The following RBPJ variants were observed in gnomAD, a reference collection of about 807,000 sequenced individuals.
RBPJ encodes the protein recombination signal binding protein for immunoglobulin kappa J region, also known as recombining binding protein suppressor of hairless.
Under a neutral mutation model 67.8 loss-of-function variants are expected in RBPJ, and 9 were observed. The ratio of observed to expected loss-of-function variants is 0.13; its 90% CI spans 0.08 to 0.23. The LOEUF is 0.23. Ranked by LOEUF, RBPJ falls within the 10% of genes least tolerant of loss-of-function variation. RBPJ has a pLI of 1.00. For synonymous variants in RBPJ, 198 were observed against 203.3 expected, an observed-to-expected ratio of 0.97 and a Z score of 0.22; for missense variants, 305 against 595.6, an observed-to-expected ratio of 0.51 and a Z score of 5.08.
intron 1 of RBPJ, among the ~76,000 whole-genome samples, chr4:26,335,771 C>A (rs1441552463): frequency 6.6e-6 from 1 of 151,758 alleles, no homozygotes; most frequent in Non-Finnish European, 1.5e-5. Flanking sequence ...CAGGCATGCA[C>A]CACCTACGCC....
chr4:26,374,910 C>T (rs767651204), intron 1 of RBPJ, among the ~76,000 whole-genome samples: 7 of 152,058 alleles, frequency 4.6e-5, no homozygotes, highest in Non-Finnish European at 8.8e-5. Context: ...ATCTAGTTAA[C>T]ATTTTGAACT....
In RBPJ at chr4:26,329,863, C is replaced by T. The variant is rs192285747; in HGVS notation, c.20+8815C>T. Among the ~76,000 whole-genome samples the T allele has an allele frequency of 4.3e-3, 640 of 150,406 alleles. 18 individuals are homozygous for T. In the South Asian group the frequency reaches 0.05, roughly 12 times the overall value. On this transcript the variant is annotated intron_variant, in intron 1 of 10. Coordinates refer to ENST00000355476, the MANE Select transcript of RBPJ (RefSeq NM_015874.6). ...GAGCCGAGATCACGCCACTGCACTC[C>T]AGCCTGGGCGACAGAGTGAGACTCT...
At chr4:26,366,864 G>A (rs373600896) in intron 1 of RBPJ, among the ~76,000 whole-genome samples, 49 of 152,178 alleles carry the variant, frequency 3.2e-4, no homozygotes, top group African/African-American at 1.0e-3. Context: ...CGTGTTTCAC[G>A]CCTGTAATCC....
chr4:26,216,877 A>T (rs2109185028), intron 1 of RBPJ, among the ~76,000 whole-genome samples: 1 of 152,306 alleles, frequency 6.6e-6, no homozygotes. Flanking sequence ...GTGAGCCATG[A>T]CTGCACCACT....
intron 1 of RBPJ, among the ~76,000 whole-genome samples, chr4:26,243,027 G>C (rs1719701739): frequency 6.6e-6 from 1 of 152,070 alleles, no homozygotes; most frequent in Non-Finnish European, 1.5e-5. Flanking sequence ...GGGCGTTCGA[G>C]ACCAGCCTGA....
intron 3 of RBPJ, 84 bp from the exon 4 acceptor site, chr4:26,415,391 C>T (rs925972074): frequency 1.7e-6 from 2 of 1,178,286 alleles, no homozygotes; most frequent in Non-Finnish European, 1.2e-6. Flanking sequence ...ATTTTGTATT[C>T]ATAATGTTCA....
chr4:26,402,497 C>T (rs962284082), intron 2 of RBPJ, among the ~76,000 whole-genome samples: 6 of 152,180 alleles, frequency 3.9e-5, no homozygotes, highest in Admixed American at 6.5e-5. Flanking sequence ...TCTCATTTTA[C>T]GAATAAAATA....
chr4:26,268,439 C>G, intron 1 of RBPJ, among the ~76,000 whole-genome samples: 1 of 152,118 alleles, frequency 6.6e-6, no homozygotes, highest in East Asian at 1.9e-4. Flanking sequence ...TCTCTTTGGT[C>G]TCTTTTCAGG....
intron 1 of RBPJ, among the ~76,000 whole-genome samples, chr4:26,299,124 T>C (rs763264546): frequency 6.6e-6 from 1 of 151,758 alleles, no homozygotes; most frequent in Non-Finnish European, 1.5e-5. Flanking sequence ...AATAAAGGAG[T>C]TGGGGTCAGG....
intron 1 of RBPJ, among the ~76,000 whole-genome samples, chr4:26,349,133 TCA>T (rs1402450436): frequency 6.6e-6 from 1 of 152,012 alleles, no homozygotes; most frequent in Non-Finnish European, 1.5e-5. Context: ...AGTGGCGTTC[TCA>T]CAGCTCACTG....
At chr4:26,346,191 G>C (rs1275906466) in intron 1 of RBPJ, among the ~76,000 whole-genome samples, 1 of 152,168 alleles carries the variant, frequency 6.6e-6, no homozygotes, top group Non-Finnish European at 1.5e-5. Flanking sequence ...AGGAGTTCAG[G>C]AGTGGAGGTT....
chr4:26,417,892 T>C (rs1278636122), intron 4 of RBPJ, among the ~76,000 whole-genome samples: 2 of 152,252 alleles, frequency 1.3e-5, no homozygotes, highest in Non-Finnish European at 2.9e-5. Context: ...GCAACAAAAT[T>C]CTAGTATATC....
chr4:26,215,710 AC>A (rs1213192006), intron 1 of RBPJ, among the ~76,000 whole-genome samples: 1 of 151,916 alleles, frequency 6.6e-6, no homozygotes, highest in Non-Finnish European at 1.5e-5. Context: ...CACGCTAGGG[AC>A]CCTCCTCAAA....
chr4:26,311,902 G>T (rs1420447155), intron 1 of RBPJ, among the ~76,000 whole-genome samples: 1 of 151,982 alleles, frequency 6.6e-6, no homozygotes, highest in African/African-American at 2.4e-5. Context: ...CCACACTCCA[G>T]CCTGAGCAAC....
chr4:26,375,657 C>G (rs1286583690), intron 1 of RBPJ, among the ~76,000 whole-genome samples: 1 of 152,200 alleles, frequency 6.6e-6, no homozygotes, highest in Non-Finnish European at 1.5e-5. Context: ...GAAGAAAAAA[C>G]TGTGTGACGT....
At chr4:26,207,354 A>T (rs934885118) in intron 1 of RBPJ, among the ~76,000 whole-genome samples, 1 of 152,130 alleles carries the variant, frequency 6.6e-6, no homozygotes, top group African/African-American at 2.4e-5. Flanking sequence ...TTTCTAAAAA[A>T]AAAATAGGGT....
intron 1 of RBPJ, among the ~76,000 whole-genome samples, chr4:26,201,674 A>G (rs1193630645): frequency 2.0e-5 from 3 of 152,224 alleles, no homozygotes; most frequent in South Asian, 4.1e-4. Context: ...TTACACTGAG[A>G]GTTAGGTAGA....
intron 1 of RBPJ, among the ~76,000 whole-genome samples, chr4:26,345,857 A>G (rs1200899258): frequency 6.6e-6 from 1 of 152,172 alleles, no homozygotes; most frequent in African/African-American, 2.4e-5. Flanking sequence ...GGATTCTATT[A>G]TGTATGGGGA....
rs554581987 is a variant in RBPJ at position 26,190,974 on chromosome 4, C to T, written c.-167+27360C>T. On this transcript the variant is annotated intron_variant, in intron 1 of 4. Transcript: ENST00000512351. ...CAGCCTGGGCAACATACCGAGACCT[C>T]GTCTCTACTAAAAGTCAACATAAAA... is the stretch of plus-strand genomic sequence containing the variant. 2.0e-5 allele frequency among the ~76,000 whole-genome samples: 3 copies of T among 150,646 alleles called. No homozygotes were observed. In the Admixed American group the frequency reaches 2.0e-4, roughly 10 times the overall value.
Sources: allele counts gnomAD v4.1 joint callset (sites outside exome capture counted in the v4.1 genomes callset), GRCh38; gene constraint gnomAD v4.1.1; transcripts MANE v1.5; gene names NCBI Gene and HGNC (gene_info 2026-07-23, HGNC 2026-07-21).